FAM3C: variants seen among roughly 807,000 people sequenced by gnomAD.
FAM3C encodes the protein protein FAM3C.
In FAM3C, 15 loss-of-function variants were observed where a neutral mutation model predicts 32.5. The ratio of observed to expected loss-of-function variants is 0.46; its 90% CI spans 0.31 to 0.71. The LOEUF is 0.71. Ranked by LOEUF, FAM3C falls within the 30% of genes least tolerant of loss-of-function variation. The probability of loss-of-function intolerance (pLI) is 0.05; values close to 1 mark genes in which losing one functional copy is unlikely to be tolerated. For missense variants in FAM3C, 175 were observed against 274.4 expected (o/e 0.64, Z 2.56); for synonymous variants, 75 against 86.1 (o/e 0.87, Z 0.72).
chr7:121,381,888 G>C (rs1423273808), intron 2 of FAM3C, among the ~76,000 whole-genome samples: 1 of 152,044 alleles, frequency 6.6e-6, no homozygotes, highest in Non-Finnish European at 1.5e-5. Flanking sequence ...TAATAATCAT[G>C]ATGTTTAATC....
chr7:121,369,321 T>C (rs1794095611), intron 5 of FAM3C, among the ~76,000 whole-genome samples: 2 of 152,088 alleles, frequency 1.3e-5, no homozygotes, highest in South Asian at 2.1e-4. Flanking sequence ...TTTAAGCATC[T>C]GTCACCCCTA....
chr7:121,379,503 T>C (rs956301621), intron 2 of FAM3C, among the ~76,000 whole-genome samples: 1 of 152,082 alleles, frequency 6.6e-6, no homozygotes, highest in African/African-American at 2.4e-5. Context: ...AACCAACACA[T>C]CTCCTGGAGC....
At chr7:121,356,410 A>G (rs186055898) in intron 8 of FAM3C, among the ~76,000 whole-genome samples, 16 of 152,308 alleles carry the variant, frequency 1.1e-4, no homozygotes, top group Non-Finnish European at 1.3e-4. Flanking sequence ...GAAAAATACC[A>G]ATTAGCTTCA....
At chr7:121,394,544 T>C (rs1034551350) in intron 1 of FAM3C, among the ~76,000 whole-genome samples, 2 of 152,250 alleles carry the variant, frequency 1.3e-5, no homozygotes, top group African/African-American at 4.8e-5. Context: ...CCATTGGTAA[T>C]TCAGAGAGGT....
Position 121,376,275 on chromosome 7 carries a change from A to G in FAM3C, c.118+2635T>C, listed in dbSNP as rs149457682. Among the ~76,000 whole-genome samples, 491 of 152,360 alleles carry G rather than the reference A, an allele frequency of 3.2e-3. 2 individuals are homozygous for G. The highest frequency in any genetic ancestry group is 0.027 in the Middle Eastern group (8 of 294). On this transcript the variant is annotated intron_variant, in intron 3 of 9. Transcript: ENST00000359943. ...TAGGAGGAAAATAACCAGTTTATCA[A>G]GAGAAATGGCTGAAAGGGAGGATTC...
chr7:121,395,234 C>CGG, intron 1 of FAM3C, among the ~76,000 whole-genome samples: 1 of 133,118 alleles, frequency 7.5e-6, no homozygotes, highest in South Asian at 2.5e-4. Flanking sequence ...TATATGGATA[C>CGG]ATACATACAT....
intron 3 of FAM3C, among the ~76,000 whole-genome samples, chr7:121,375,736 C>T (rs568493908): frequency 4.6e-4 from 70 of 152,308 alleles, no homozygotes; most frequent in African/African-American, 1.5e-3. Context: ...GCCTTCTCTT[C>T]AATCTTCTTT....
At chr7:121,353,792 G>C (rs1793755989) in intron 8 of FAM3C, among the ~76,000 whole-genome samples, 1 of 152,150 alleles carries the variant, frequency 6.6e-6, no homozygotes, top group South Asian at 2.1e-4. Context: ...TGTCCTGTTT[G>C]ACTCCACTTG....
rs1794138591 is a variant in FAM3C, at chr7:121,371,255, C to T, written c.272+45G>A. The stretch of plus-strand genomic sequence containing the variant: ...CATTAAACTCAGGTTCAATTGGCTG[C>T]AATTTAATAGCACACCTTATCGTCT... On this transcript the variant is annotated intron_variant, in intron 5 of 9. Coordinates refer to ENST00000359943, the MANE Select transcript of FAM3C (RefSeq NM_014888.3). 5 of 1,598,938 alleles carry T rather than the reference C, an allele frequency of 3.1e-6. No homozygotes were observed. The Admixed American group carries it at 8.4e-5, about 27-fold the overall frequency.
intron 1 of FAM3C, among the ~76,000 whole-genome samples, chr7:121,392,503 G>A (rs1349886665): frequency 1.3e-5 from 2 of 152,082 alleles, no homozygotes; most frequent in Non-Finnish European, 2.9e-5. Context: ...TCCCTCCCTC[G>A]ACACACAGGG....
At chr7:121,370,147 C>T (rs1324632141) in intron 5 of FAM3C, among the ~76,000 whole-genome samples, 2 of 152,144 alleles carry the variant, frequency 1.3e-5, no homozygotes, top group South Asian at 2.1e-4. Context: ...AATGCAAGTG[C>T]CTTATTATGC....
intron 8 of FAM3C, among the ~76,000 whole-genome samples, chr7:121,356,771 A>T (rs527469746): frequency 6.6e-6 from 1 of 152,230 alleles, no homozygotes; most frequent in Non-Finnish European, 1.5e-5. Flanking sequence ...AAGGAAGAAT[A>T]CAATTGGCAA....
At chr7:121,356,044 A>T (rs1250867166) in intron 8 of FAM3C, among the ~76,000 whole-genome samples, 1 of 152,106 alleles carries the variant, frequency 6.6e-6, no homozygotes, top group African/African-American at 2.4e-5. Flanking sequence ...GTTTAGAAAA[A>T]AAAAAAAAGG....
chr7:121,391,228 C>CA lies in FAM3C; in HGVS notation c.-42+4933dup, dbSNP rs144622420. Among the ~76,000 whole-genome samples the CA allele has an allele frequency of 3.7e-3, 560 of 152,210 alleles. 5 individuals are homozygous for CA. Among genetic ancestry groups the CA allele is most frequent in the African/African-American group, 0.012 (513 of 41,534 alleles). On this transcript the variant is annotated intron_variant, in intron 1 of 9. Coordinates refer to ENST00000359943, the MANE Select transcript of FAM3C (RefSeq NM_014888.3). ...AAACAGAAAACAAGACAGAACTCTA[C>CA]AAAATGACATTCAGTTTTGCCTGCT... is the stretch of plus-strand genomic sequence containing the variant.
intron 7 of FAM3C, among the ~76,000 whole-genome samples, chr7:121,361,439 G>T (rs1228427844): frequency 6.6e-6 from 1 of 152,154 alleles, no homozygotes; most frequent in African/African-American, 2.4e-5. Flanking sequence ...TTCCTAACTA[G>T]AAGAATGCTG....
chr7:121,396,003 G>A (rs1584714971), intron 1 of FAM3C, among the ~76,000 whole-genome samples, 159 bp downstream of exon 1: 1 of 151,100 alleles, frequency 6.6e-6, no homozygotes, highest in Non-Finnish European at 1.5e-5. Context: ...TCCAACGTCC[G>A]GACACGCCGT....
chr7:121,371,163 A>C, intron 5 of FAM3C, 137 bp downstream of exon 5: 1 of 1,078,114 alleles, frequency 9.3e-7, no homozygotes, highest in Non-Finnish European at 1.3e-6. Flanking sequence ...ATGAGAAAAA[A>C]ACTACATAAC....
In FAM3C at chr7:121,353,544, A is replaced by G. The variant is rs140691438; in HGVS notation, c.468-2275T>C. On this transcript the variant is annotated intron_variant, in intron 8 of 9. Coordinates refer to ENST00000359943, the MANE Select transcript of FAM3C (RefSeq NM_014888.3). ...CCACTTGGATTTGCGGAGGGCTCCT[A>G]TCATTTTCAAAACTGATAAGAATGG... 6.6e-4 allele frequency among the ~76,000 whole-genome samples: 101 copies of G among 152,324 alleles called. No individual in the cohort carries two copies. In the Middle Eastern group the frequency reaches 0.014, roughly 21 times the overall value.
intron 8 of FAM3C, among the ~76,000 whole-genome samples, chr7:121,353,262 G>A (rs951347434): frequency 9.2e-5 from 14 of 152,102 alleles, no homozygotes; most frequent in African/African-American, 3.1e-4. Flanking sequence ...TATGTTGAAG[G>A]GCAGTCAGGC....
Sources: gnomAD v4.1 joint callset for allele counts (sites outside exome capture counted in the v4.1 genomes callset) on GRCh38, gnomAD v4.1.1 for gene constraint, MANE v1.5 for transcripts, NCBI Gene and HGNC (gene_info 2026-07-23, HGNC 2026-07-21) for gene names.